The following RBPMS variants were observed in gnomAD, a reference collection of about 807,000 sequenced individuals.
RBPMS encodes RNA-binding protein with multiple splicing.
In RBPMS, 7 loss-of-function variants were observed where a neutral mutation model predicts 26.8. The observed-to-expected ratio is 0.26, with a 90% confidence interval of 0.15 to 0.49. The LOEUF (loss-of-function observed/expected upper bound fraction) is 0.49. Ranked by LOEUF, RBPMS falls within the 20% of genes least tolerant of loss-of-function variation. RBPMS has a pLI of 0.98. For missense variants in RBPMS, 186 were observed against 250.0 expected (o/e 0.74, Z 1.73); for synonymous variants, 96 against 93.3 (o/e 1.03, Z -0.17).
chr8:30,416,569 G>A (rs762247477), intron 1 of RBPMS, among the ~76,000 whole-genome samples: 4 of 152,216 alleles, frequency 2.6e-5, no homozygotes, highest in African/African-American at 4.8e-5. Flanking sequence ...TGCAAGCTCC[G>A]TCTCCTGGGT....
At chr8:30,420,987 A>G (rs892179016) in intron 1 of RBPMS, among the ~76,000 whole-genome samples, 2 of 152,192 alleles carry the variant, frequency 1.3e-5, no homozygotes, top group African/African-American at 4.8e-5. Flanking sequence ...AGTTTAAAAT[A>G]CTTACCTATT....
chr8:30,539,092 G>GCTAA (rs1371673382), intron 5 of RBPMS, among the ~76,000 whole-genome samples: 2 of 152,152 alleles, frequency 1.3e-5, no homozygotes, highest in African/African-American at 4.8e-5. Flanking sequence ...GGAGTTGATT[G>GCTAA]CTAACAGAAT....
chr8:30,438,253 G>C (rs1812691752), intron 1 of RBPMS, among the ~76,000 whole-genome samples: 1 of 152,158 alleles, frequency 6.6e-6, no homozygotes, highest in Middle Eastern at 3.2e-3. Context: ...CCAATTGCTT[G>C]TGTTGGCCTT....
chr8:30,425,409 CT>C (rs1203980162), intron 1 of RBPMS, among the ~76,000 whole-genome samples: 3 of 150,930 alleles, frequency 2.0e-5, no homozygotes, highest in Non-Finnish European at 4.4e-5. Context: ...ATTTTAATTT[CT>C]TTTTTTTGAA....
At chr8:30,445,649 G>GAGATATATATATATATATATAT (rs1198019611) in intron 1 of RBPMS, among the ~76,000 whole-genome samples, 16 of 107,336 alleles carry the variant, frequency 1.5e-4, no homozygotes, top group South Asian at 5.8e-4. Flanking sequence ...TATACACACG[G>GAGATATATATATATATATATAT]ATATATATAT....
Position 30,412,487 on chromosome 8 carries a change from G to A in RBPMS, c.66+27329G>A, listed in dbSNP as rs182457350. Among the ~76,000 whole-genome samples, 51 of 151,132 alleles carry A rather than the reference G, an allele frequency of 3.4e-4. 1 individual carries two copies. In the East Asian group the frequency reaches 7.0e-3, roughly 21 times the overall value. ...GTAATTATTAGTGTCAGTCTCGCAC[G>A]TACTTTCCCCCCAACTTTACTACAT... On this transcript the variant is annotated intron_variant, in intron 1 of 8. Coordinates refer to ENST00000397323, the MANE Select transcript of RBPMS (RefSeq NM_001008710.3).
intron 1 of RBPMS, among the ~76,000 whole-genome samples, chr8:30,459,343 A>G (rs1251039235): frequency 6.9e-6 from 1 of 145,628 alleles, no homozygotes; most frequent in African/African-American, 2.6e-5. Context: ...CTTTCCTTGA[A>G]CTCGTGTGCT....
At chr8:30,468,515 TGGG>T (rs1384226115) in intron 1 of RBPMS, among the ~76,000 whole-genome samples, 4 of 152,284 alleles carry the variant, frequency 2.6e-5, no homozygotes, top group Middle Eastern at 6.8e-3. Flanking sequence ...AAATTGTGAC[TGGG>T]AAATGCCATC....
intron 5 of RBPMS, among the ~76,000 whole-genome samples, chr8:30,516,986 A>G (rs1305492637): frequency 2.0e-5 from 3 of 151,914 alleles, no homozygotes; most frequent in Non-Finnish European, 4.4e-5. Context: ...TTCAATCTGT[A>G]TGTTTTAAAA....
At chr8:30,436,337 A>G (rs535010512) in intron 1 of RBPMS, among the ~76,000 whole-genome samples, 4 of 152,268 alleles carry the variant, frequency 2.6e-5, no homozygotes, top group African/African-American at 9.6e-5. Context: ...CATGCTTGGT[A>G]TGATTTCTAC....
At chr8:30,570,184 A>C (rs1332583841) in intron 8 of RBPMS, among the ~76,000 whole-genome samples, 1 of 152,240 alleles carries the variant, frequency 6.6e-6, no homozygotes, top group Non-Finnish European at 1.5e-5. Flanking sequence ...ACAAAATCTA[A>C]CTTGGGACAT....
chr8:30,529,830 C>T (rs545413543), intron 5 of RBPMS, among the ~76,000 whole-genome samples: 13 of 151,558 alleles, frequency 8.6e-5, no homozygotes, highest in South Asian at 8.4e-4. Flanking sequence ...CTCGGCTCAC[C>T]GCATCCTTTG....
At chr8:30,471,468 G>C (rs757361327) in intron 1 of RBPMS, among the ~76,000 whole-genome samples, 1 of 152,008 alleles carries the variant, frequency 6.6e-6, no homozygotes, top group East Asian at 1.9e-4. Context: ...TTTATCACAT[G>C]GTAAGATGCA....
intron 1 of RBPMS, among the ~76,000 whole-genome samples, chr8:30,392,374 G>A (rs1473868962): frequency 6.6e-6 from 1 of 152,092 alleles, no homozygotes. Context: ...GACCCTTTTG[G>A]GGAAGAGCAA....
chr8:30,503,720 A>G (rs527405975), intron 4 of RBPMS, among the ~76,000 whole-genome samples: 112 of 152,162 alleles, frequency 7.4e-4, no homozygotes, highest in African/African-American at 2.6e-3. Flanking sequence ...AGACCACACC[A>G]TGAAAACATG....
intron 1 of RBPMS, among the ~76,000 whole-genome samples, chr8:30,456,086 G>A (rs367819031): frequency 6.6e-6 from 1 of 152,078 alleles, no homozygotes; most frequent in African/African-American, 2.4e-5. Flanking sequence ...GGTCAGAAGA[G>A]CAATAATTTT....
At chr8:30,553,097 A>G (rs1826533282) in intron 6 of RBPMS, 1 of 152,284 alleles carries the variant, frequency 6.6e-6, no homozygotes, top group Non-Finnish European at 1.5e-5. Context: ...TGCCTAGATC[A>G]TAGCGACTTA....
At chr8:30,481,321 T>TA (rs1447898639) in intron 4 of RBPMS, among the ~76,000 whole-genome samples, 12 of 149,832 alleles carry the variant, frequency 8.0e-5, no homozygotes, top group African/African-American at 3.1e-4. Context: ...ATGATAATAG[T>TA]CAAAAAAAAC....
At chr8:30,428,976 T>G (rs755623363) in intron 1 of RBPMS, among the ~76,000 whole-genome samples, 1 of 152,132 alleles carries the variant, frequency 6.6e-6, no homozygotes, top group South Asian at 2.1e-4. Flanking sequence ...GAAACAATCA[T>G]AGAAGCATCT....
Sources: allele counts gnomAD v4.1 joint callset (sites outside exome capture counted in the v4.1 genomes callset), GRCh38; gene constraint gnomAD v4.1.1; transcripts MANE v1.5; gene names NCBI Gene and HGNC (gene_info 2026-07-23, HGNC 2026-07-21).